The following RSBN1L variants were observed in gnomAD, a reference collection of about 807,000 sequenced individuals.
RSBN1L encodes lysine-specific demethylase RSBN1L.
Under a neutral mutation model 67.7 loss-of-function variants are expected in RSBN1L, and 30 were observed. The ratio of observed to expected loss-of-function variants is 0.44; its 90% CI spans 0.33 to 0.60. The LOEUF is 0.60. RSBN1L is among the 20% of genes least tolerant of loss of function. The pLI, the probability that RSBN1L is intolerant of heterozygous loss-of-function variation, is 0.02. For missense variants in RSBN1L, 992 were observed against 1,031.7 expected (o/e 0.96, Z 0.53); for synonymous variants, 433 against 387.0 (o/e 1.12, Z -1.39).
intron 2 of RSBN1L, among the ~76,000 whole-genome samples, chr7:77,740,390 T>C (rs1214519468): frequency 6.6e-6 from 1 of 152,200 alleles, no homozygotes; most frequent in African/African-American, 2.4e-5. Flanking sequence ...AGTTTGCTGG[T>C]GAGCAGTTAG....
At chr7:77,702,919 A>G (rs1006330715) in intron 1 of RSBN1L, among the ~76,000 whole-genome samples, 1 of 152,078 alleles carries the variant, frequency 6.6e-6, no homozygotes, top group African/African-American at 2.4e-5. Context: ...CTTTGACCTC[A>G]TTTAATCTTA....
chr7:77,740,690 A>T (rs1791396779), intron 2 of RSBN1L, among the ~76,000 whole-genome samples: 2 of 152,182 alleles, frequency 1.3e-5, no homozygotes, highest in Non-Finnish European at 2.9e-5. Flanking sequence ...GAATTAACTC[A>T]ATGAATTTGT....
intron 1 of RSBN1L, among the ~76,000 whole-genome samples, chr7:77,721,064 A>T (rs2150416107): frequency 6.6e-6 from 1 of 151,902 alleles, no homozygotes; most frequent in East Asian, 1.9e-4. Context: ...TCTTATGTGG[A>T]TTTAACACTT....
At chr7:77,715,922 C>G (rs975869121) in intron 1 of RSBN1L, among the ~76,000 whole-genome samples, 1 of 152,002 alleles carries the variant, frequency 6.6e-6, no homozygotes, top group Non-Finnish European at 1.5e-5. Context: ...GTTGTCTGTT[C>G]AAAGTGTCTG....
chr7:77,777,551 A>G (rs1456006242), intron 6 of RSBN1L, among the ~76,000 whole-genome samples: 1 of 152,026 alleles, frequency 6.6e-6, no homozygotes, highest in Non-Finnish European at 1.5e-5. Context: ...AAAGTAGTCC[A>G]TTCTCTTCAG....
intron 1 of RSBN1L, among the ~76,000 whole-genome samples, chr7:77,700,774 C>G (rs1790805280): frequency 6.6e-6 from 1 of 152,190 alleles, no homozygotes; most frequent in South Asian, 2.1e-4. Context: ...TCTGTACCCT[C>G]CAGTAGCTCC....
intron 1 of RSBN1L, among the ~76,000 whole-genome samples, chr7:77,710,626 C>T (rs905866895): frequency 5.3e-5 from 8 of 152,140 alleles, no homozygotes; most frequent in Admixed American, 3.3e-4. Context: ...GATAGAGTCT[C>T]GCTCTGTTGC....
At chr7:77,739,950 C>A (rs1003134986) in intron 2 of RSBN1L, among the ~76,000 whole-genome samples, 2 of 150,904 alleles carry the variant, frequency 1.3e-5, no homozygotes, top group Non-Finnish European at 3.0e-5. Flanking sequence ...CAGGGTTTCA[C>A]CATGTTGCCC....
intron 3 of RSBN1L, among the ~76,000 whole-genome samples, chr7:77,764,445 A>G (rs968843890): frequency 8.5e-5 from 13 of 152,110 alleles, no homozygotes; most frequent in Admixed American, 7.9e-4. Flanking sequence ...AATGCCACCC[A>G]TTTGCTAGCA....
intron 1 of RSBN1L, among the ~76,000 whole-genome samples, chr7:77,734,979 T>C (rs1311476954): frequency 2.0e-5 from 3 of 152,134 alleles, no homozygotes; most frequent in South Asian, 4.1e-4. Context: ...CTTTTTCTTG[T>C]ACTCAGACTG....
At chr7:77,704,072 A>G (rs1439929089) in intron 1 of RSBN1L, among the ~76,000 whole-genome samples, 1 of 152,252 alleles carries the variant, frequency 6.6e-6, no homozygotes, top group Non-Finnish European at 1.5e-5. Flanking sequence ...TTAGGCATTC[A>G]TAAGGGATGC....
intron 1 of RSBN1L, among the ~76,000 whole-genome samples, chr7:77,735,098 G>A (rs978367951): frequency 6.6e-6 from 1 of 151,192 alleles, no homozygotes; most frequent in Non-Finnish European, 1.5e-5. Flanking sequence ...ATAGGTGAAA[G>A]TAATGTCTTT....
chr7:77,765,908 CT>C (rs1374720001), intron 4 of RSBN1L, among the ~76,000 whole-genome samples: 1 of 152,188 alleles, frequency 6.6e-6, no homozygotes, highest in African/African-American at 2.4e-5. Context: ...AATAACACCT[CT>C]TAACACTTTA....
intron 3 of RSBN1L, among the ~76,000 whole-genome samples, chr7:77,752,075 A>C (rs1791563137): frequency 6.6e-6 from 1 of 152,188 alleles, no homozygotes; most frequent in South Asian, 2.1e-4. Flanking sequence ...CACCATGAAA[A>C]CTGCTTTTGT....
intron 2 of RSBN1L, among the ~76,000 whole-genome samples, chr7:77,741,915 C>T (rs753574932): frequency 7.2e-5 from 11 of 151,944 alleles, no homozygotes; most frequent in Non-Finnish European, 1.6e-4. Flanking sequence ...AGTTTGGTTT[C>T]ATGTAAAGAA....
rs1310072208 is a variant in RSBN1L at position 77,782,404 on chromosome 7, C to G, written c.*3236C>G. 1 of 152,130 alleles carries G rather than the reference C, an allele frequency of 6.6e-6. No homozygotes were observed. The highest frequency in any genetic ancestry group is 1.5e-5 in the Non-Finnish European group (1 of 68,016). The allele number at this position is 152,130 out of a possible 1,614,324, so 9.4% of individuals were successfully genotyped here. The stretch of plus-strand genomic sequence containing the variant: ...TCAGTGGAATCTGCTACAGTGCTTC[C>G]CCCTCCCTACCCCTCCATTTTGTTT... On this transcript the variant is annotated 3_prime_UTR_variant, in exon 8 of 8. Coordinates refer to ENST00000334955, the MANE Select transcript of RSBN1L (RefSeq NM_198467.3).
intron 1 of RSBN1L, among the ~76,000 whole-genome samples, chr7:77,726,609 T>C (rs1355093599): frequency 6.6e-6 from 1 of 152,084 alleles, no homozygotes; most frequent in Non-Finnish European, 1.5e-5. Context: ...TAGTATCCCA[T>C]CTACTTTTTT....
chr7:77,778,314 T>G (rs746759985), intron 6 of RSBN1L, 24 bp from the exon 7 acceptor site: 1 of 1,523,204 alleles, frequency 6.6e-7, no homozygotes, highest in Non-Finnish European at 9.0e-7. Context: ...TGGCAGATTC[T>G]TGTTATCTCG....
At chr7:77,701,507 G>A (rs1790817870) in intron 1 of RSBN1L, among the ~76,000 whole-genome samples, 1 of 152,106 alleles carries the variant, frequency 6.6e-6, no homozygotes, top group Non-Finnish European at 1.5e-5. Flanking sequence ...CAAAGTAGAT[G>A]TTAAGACGTC....
Sources: allele counts gnomAD v4.1 joint callset (sites outside exome capture counted in the v4.1 genomes callset), GRCh38; gene constraint gnomAD v4.1.1; transcripts MANE v1.5; gene names NCBI Gene and HGNC (gene_info 2026-07-23, HGNC 2026-07-21).